GPHN: variants seen among roughly 807,000 people sequenced by gnomAD.
The protein encoded by GPHN is gephyrin.
In GPHN, 17 loss-of-function variants were observed where a neutral mutation model predicts 95.5. The observed-to-expected ratio is 0.18, with a 90% CI of 0.12 to 0.27. The LOEUF (loss-of-function observed/expected upper bound fraction) is 0.27, where lower values mean the gene tolerates loss of function less well. GPHN is among the 10% of genes least tolerant of loss of function. The pLI, the probability that GPHN is intolerant of heterozygous loss-of-function variation, is 1.00. For missense variants in GPHN, 660 were observed against 978.1 expected (o/e 0.67, Z 4.34); for synonymous variants, 320 against 322.5 (o/e 0.99, Z 0.08).
intron 10 of GPHN, among the ~76,000 whole-genome samples, chr14:67,038,701 T>C (rs1334377917): frequency 1.3e-5 from 2 of 152,178 alleles, no homozygotes; most frequent in East Asian, 3.8e-4. Context: ...TGTTGTGTAC[T>C]GGAATCACCC....
At chr14:66,523,754 TG>T (rs2058570886) in intron 1 of GPHN, among the ~76,000 whole-genome samples, 2 of 152,138 alleles carry the variant, frequency 1.3e-5, no homozygotes, top group African/African-American at 4.8e-5. Flanking sequence ...ATGAAATGTT[TG>T]TTGTGTATTA....
chr14:66,623,973 GT>G (rs2063418587), intron 1 of GPHN, among the ~76,000 whole-genome samples: 1 of 152,260 alleles, frequency 6.6e-6, no homozygotes, highest in African/African-American at 2.4e-5. Context: ...CAACTGCAGG[GT>G]TTGGACACCA....
At chr14:67,321,251 C>T in the GPHN span, 133 of 1,613,852 alleles carry the variant, frequency 8.2e-5, no homozygotes, top group Middle Eastern at 3.3e-4. Context: ...TTTAAGTCTT[C>T]GTACACAGGT....
intron 10 of GPHN, among the ~76,000 whole-genome samples, chr14:67,045,483 C>T (rs927385618): frequency 6.7e-6 from 1 of 150,360 alleles, no homozygotes; most frequent in Non-Finnish European, 1.5e-5. Context: ...CTCTGTCTCT[C>T]TGTGTGTGTC....
chr14:66,588,354 T>C (rs961219348), intron 1 of GPHN, among the ~76,000 whole-genome samples: 4 of 152,014 alleles, frequency 2.6e-5, no homozygotes, highest in African/African-American at 9.7e-5. Context: ...CACAACTCCT[T>C]GCCAGCAAGG....
the GPHN span, among the ~76,000 whole-genome samples, chr14:67,705,568 A>G: frequency 6.6e-6 from 1 of 152,234 alleles, no homozygotes; most frequent in Non-Finnish European, 1.5e-5. Flanking sequence ...ATCCTGGACC[A>G]GAAATAGGAC....
chr14:66,601,214 C>G (rs2062223519), intron 1 of GPHN, among the ~76,000 whole-genome samples: 2 of 151,950 alleles, frequency 1.3e-5, no homozygotes, highest in South Asian at 4.1e-4. Context: ...AGGTGTTTTG[C>G]TCAAATAACT....
intron 16 of GPHN, among the ~76,000 whole-genome samples, chr14:67,118,470 A>G (rs934385819): frequency 3.6e-4 from 55 of 152,180 alleles, no homozygotes; most frequent in African/African-American, 1.3e-3. Flanking sequence ...TCACGCCTGT[A>G]ATTCAAGCAC....
At chr14:67,354,454 C>A in the GPHN span, among the ~76,000 whole-genome samples, 23,608 of 152,064 alleles carry the variant, frequency 0.16, 3,463 homozygotes, top group East Asian at 0.42. Flanking sequence ...TTCCACTTTG[C>A]GGAATTTATC....
At chr14:67,614,543 C>T in the GPHN span, among the ~76,000 whole-genome samples, 1 of 151,526 alleles carries the variant, frequency 6.6e-6, no homozygotes, top group South Asian at 2.1e-4. Context: ...CAAGGAGGAT[C>T]GCTTGAGCCC....
chr14:66,946,038 ATTT>A (rs1186574151), intron 8 of GPHN, among the ~76,000 whole-genome samples: 13 of 151,826 alleles, frequency 8.6e-5, no homozygotes, highest in Admixed American at 7.9e-4. Flanking sequence ...TTTTTTTTTA[ATTT>A]ATTTTATGTT....
intron 4 of GPHN, among the ~76,000 whole-genome samples, chr14:66,864,384 A>G (rs977585546): frequency 2.6e-5 from 4 of 152,208 alleles, no homozygotes; most frequent in Non-Finnish European, 4.4e-5. Flanking sequence ...AGTTAGTACA[A>G]CCACCATGGA....
chr14:67,666,534 T>C, the GPHN span, among the ~76,000 whole-genome samples: 1 of 152,256 alleles, frequency 6.6e-6, no homozygotes, highest in African/African-American at 2.4e-5. Flanking sequence ...AAATCATTTC[T>C]TGTGATGATA....
the GPHN span, among the ~76,000 whole-genome samples, chr14:67,673,084 C>T: frequency 7.9e-5 from 12 of 152,210 alleles, no homozygotes; most frequent in African/African-American, 2.9e-4. Context: ...ACTTTCACAA[C>T]CGCCCTATTT....
the GPHN span, among the ~76,000 whole-genome samples, chr14:67,670,830 G>C: frequency 6.6e-5 from 10 of 152,004 alleles, no homozygotes; most frequent in Admixed American, 3.9e-4. Context: ...CCGGCCGTTT[G>C]TTTCTTTTTA....
the GPHN span, among the ~76,000 whole-genome samples, chr14:67,388,723 AGGCT>A: frequency 6.6e-6 from 1 of 152,144 alleles, no homozygotes; most frequent in Non-Finnish European, 1.5e-5. Flanking sequence ...TCTGTCTTTC[AGGCT>A]GGAGTGCAGA....
intron 4 of GPHN, among the ~76,000 whole-genome samples, chr14:66,827,849 C>CT (rs1236067821): frequency 6.6e-6 from 1 of 151,806 alleles, no homozygotes; most frequent in Non-Finnish European, 1.5e-5. Context: ...TGTTTCTTTT[C>CT]TTTTTTGGCA....
chr14:66,621,276 A>AC (rs111557367), intron 1 of GPHN, among the ~76,000 whole-genome samples: 1 of 129,580 alleles, frequency 7.7e-6, no homozygotes, highest in Admixed American at 7.4e-5. Context: ...CACCCAGCCA[A>AC]TTTTTTTTTT....
chr14:67,637,321 G>C, the GPHN span, among the ~76,000 whole-genome samples: 2 of 149,188 alleles, frequency 1.3e-5, no homozygotes, highest in East Asian at 4.0e-4. Flanking sequence ...TGAGGCAGCA[G>C]AGCCCCTTGA....
Sources: allele counts gnomAD v4.1 joint callset (sites outside exome capture counted in the v4.1 genomes callset), GRCh38; gene constraint gnomAD v4.1.1; transcripts MANE v1.5; gene names NCBI Gene and HGNC (gene_info 2026-07-23, HGNC 2026-07-21).